TRPS1: variants seen among roughly 807,000 people sequenced by gnomAD.
TRPS1 encodes transcriptional repressor GATA binding 1, also known as zinc finger transcription factor Trps1.
TRPS1 carries 6 observed loss-of-function variants against 101.2 expected under a neutral mutation model. The observed-to-expected ratio is 0.06, with a 90% CI of 0.03 to 0.12. The LOEUF (loss-of-function observed/expected upper bound fraction) is 0.12. Among genes scored for constraint, TRPS1 ranks in the 10% least tolerant of loss-of-function variants. The probability of loss-of-function intolerance (pLI) is 1.00; values close to 1 mark genes in which losing one functional copy is unlikely to be tolerated. For synonymous variants in TRPS1, 578 were observed against 589.8 expected (o/e 0.98, Z 0.29); for missense variants, 1,363 against 1,567.0 (o/e 0.87, Z 2.20).
chr8:115,656,195 A>G (rs530177400), intron 1 of TRPS1, among the ~76,000 whole-genome samples: 1 of 152,282 alleles, frequency 6.6e-6, no homozygotes, highest in African/African-American at 2.4e-5. Context: ...TTCAAGATAT[A>G]TGTGCAGAGC....
intron 4 of TRPS1, among the ~76,000 whole-genome samples, chr8:115,591,174 A>G (rs2130455504): frequency 6.6e-6 from 1 of 152,280 alleles, no homozygotes; most frequent in East Asian, 1.9e-4. Context: ...TCAAATTCTA[A>G]ATAACAAAGA....
chr8:115,614,452 T>C (rs1253754802), intron 3 of TRPS1, among the ~76,000 whole-genome samples: 2 of 152,212 alleles, frequency 1.3e-5, no homozygotes, highest in African/African-American at 4.8e-5. Context: ...GTAATGATAG[T>C]TGAACTATTC....
intron 5 of TRPS1, among the ~76,000 whole-genome samples, chr8:115,562,851 T>C (rs1166651998): frequency 6.7e-6 from 1 of 150,344 alleles, no homozygotes; most frequent in African/African-American, 2.5e-5. Context: ...AAAGAACGCA[T>C]GCCTACTCCC....
At chr8:115,651,350 C>T (rs1586496252) in intron 1 of TRPS1, among the ~76,000 whole-genome samples, 1 of 152,282 alleles carries the variant, frequency 6.6e-6, no homozygotes, top group Admixed American at 6.5e-5. Flanking sequence ...CCAGTGGTAT[C>T]CTACCTTAGG....
chr8:115,587,064 G>T lies in TRPS1; in HGVS notation c.2637C>A (p.Leu879=). 1 of 1,614,170 alleles carries T rather than the reference G, an allele frequency of 6.2e-7. No homozygotes were observed. Among genetic ancestry groups the T allele is most frequent in the Non-Finnish European group, 8.5e-7 (1 of 1,180,026 alleles). Residue 879 remains leucine (L), a synonymous_variant, in exon 5 of 7, where the codon CTC becomes CTA. Transcript: ENST00000395715. ...CTCCCGATGCAGGATACTGCTGGGG[G>T]AGGGCCCCAGACTTCTCTCCGCCAG... is the stretch of plus-strand genomic sequence containing the variant. ...APAGGEKSGA[L]PQQYPASGEN... is the part of the protein sequence containing the mutation.
At chr8:115,535,247 TATATAGCATATATATAGC>T (rs1449622460) in intron 5 of TRPS1, among the ~76,000 whole-genome samples, 2 of 75,116 alleles carry the variant, frequency 2.7e-5, no homozygotes, top group African/African-American at 1.1e-4. Context: ...ATATATAGCA[TATATAGCATATATATAGC>T]ATATATATAG....
intron 5 of TRPS1, among the ~76,000 whole-genome samples, chr8:115,552,933 A>G (rs1042910281): frequency 6.6e-6 from 1 of 152,090 alleles, no homozygotes; most frequent in Non-Finnish European, 1.5e-5. Context: ...ATTAAATTTG[A>G]CCTAGTACAA....
At chr8:115,434,981 T>C (rs117579114) in intron 5 of TRPS1, among the ~76,000 whole-genome samples, 1 of 152,234 alleles carries the variant, frequency 6.6e-6, no homozygotes, top group African/African-American at 2.4e-5. Context: ...TTCATCACTA[T>C]AACACATCGA....
intron 4 of TRPS1, among the ~76,000 whole-genome samples, chr8:115,600,022 T>A (rs920717035): frequency 6.6e-6 from 1 of 152,176 alleles, no homozygotes; most frequent in Non-Finnish European, 1.5e-5. Context: ...TTTTTAATAA[T>A]CTCCATTCTA....
chr8:115,481,163 C>G (rs1466366961), intron 5 of TRPS1, among the ~76,000 whole-genome samples: 1 of 151,982 alleles, frequency 6.6e-6, no homozygotes, highest in African/African-American at 2.4e-5. Flanking sequence ...AAGATATACA[C>G]AGATTTGACT....
intron 5 of TRPS1, among the ~76,000 whole-genome samples, chr8:115,451,317 TTC>T (rs767723790): frequency 6.6e-6 from 1 of 152,122 alleles, no homozygotes; most frequent in Non-Finnish European, 1.5e-5. Context: ...TCAACATTCA[TTC>T]TCTCTTTTTT....
intron 5 of TRPS1, among the ~76,000 whole-genome samples, chr8:115,569,952 G>C (rs1817161423): frequency 6.6e-6 from 1 of 152,032 alleles, no homozygotes; most frequent in African/African-American, 2.4e-5. Context: ...TTGGAGTCAT[G>C]ATTTAACAAA....
chr8:115,620,808 T>C (rs1387234652), intron 2 of TRPS1, among the ~76,000 whole-genome samples: 1 of 152,182 alleles, frequency 6.6e-6, no homozygotes, highest in African/African-American at 2.4e-5. Flanking sequence ...AGATCAGGTT[T>C]TCCTAGGACT....
chr8:115,623,721 G>A lies in TRPS1; in HGVS notation c.-84C>T. Reference sequence around the variant, plus strand: ...ATGCAATTGTCTTAGAAGACGCTCAGAAGACACAGAAGACATTTTGAGAGC... The same window carrying A: ...ATGCAATTGTCTTAGAAGACGCTCAAAAGACACAGAAGACATTTTGAGAGC... On this transcript the variant is annotated 5_prime_UTR_variant, in exon 2 of 7. Coordinates refer to ENST00000395715, the MANE Select transcript of TRPS1 (RefSeq NM_014112.5). 6.4e-7 allele frequency: 1 copy of A among 1,558,494 alleles called. No homozygotes were observed. Among genetic ancestry groups the A allele is most frequent in the Admixed American group, 1.9e-5 (1 of 53,162 alleles).
chr8:115,609,303 T>C (rs1818109834), intron 3 of TRPS1, among the ~76,000 whole-genome samples: 1 of 152,192 alleles, frequency 6.6e-6, no homozygotes, highest in African/African-American at 2.4e-5. Flanking sequence ...AGGGAAGTGG[T>C]AAATTCATTC....
At chr8:115,525,107 C>T (rs1042396288) in intron 5 of TRPS1, among the ~76,000 whole-genome samples, 2 of 151,676 alleles carry the variant, frequency 1.3e-5, no homozygotes, top group South Asian at 2.1e-4. Context: ...TTTATTTGAA[C>T]AAAAAAAACT....
chr8:115,546,076 C>A (rs1381394112), intron 5 of TRPS1, among the ~76,000 whole-genome samples: 2 of 151,918 alleles, frequency 1.3e-5, no homozygotes, highest in African/African-American at 4.8e-5. Flanking sequence ...ACATTGTGAA[C>A]TTAAGCTAGC....
At chr8:115,458,333 A>T (rs768032247) in intron 5 of TRPS1, among the ~76,000 whole-genome samples, 1 of 152,182 alleles carries the variant, frequency 6.6e-6, no homozygotes, top group Non-Finnish European at 1.5e-5. Flanking sequence ...GTATTTAGTC[A>T]AGTTTAAAGG....
At chr8:115,660,269 A>G (rs1811762143) in intron 1 of TRPS1, among the ~76,000 whole-genome samples, 1 of 152,006 alleles carries the variant, frequency 6.6e-6, no homozygotes, top group Non-Finnish European at 1.5e-5. Flanking sequence ...ATTAATGTTT[A>G]TTGATTTGTA....
Sources: gnomAD v4.1 joint callset for allele counts (sites outside exome capture counted in the v4.1 genomes callset) on GRCh38, gnomAD v4.1.1 for gene constraint, MANE v1.5 for transcripts, NCBI Gene and HGNC (gene_info 2026-07-23, HGNC 2026-07-21) for gene names.